TOLLIP: variants seen among roughly 807,000 people sequenced by gnomAD.
TOLLIP encodes the protein toll interacting protein.
A neutral mutation model predicts 33.5 loss-of-function variants in TOLLIP; 16 were observed. The observed-to-expected ratio is 0.48, with a 90% CI of 0.32 to 0.72. The LOEUF is 0.72. TOLLIP is among the 30% of genes least tolerant of loss of function. The pLI is 0.03. For missense variants in TOLLIP, 325 were observed against 396.6 expected (o/e 0.82, Z 1.53); for synonymous variants, 176 against 163.7 (o/e 1.07, Z -0.57).
At position 1,303,372 on chromosome 11, in the gene TOLLIP, C is replaced by T. The variant is rs1369694462; in HGVS notation, c.33+6094G>A. 1.3e-5 allele frequency among the ~76,000 whole-genome samples: 2 copies of T among 152,136 alleles called. No individual in the cohort carries two copies. The highest frequency in any genetic ancestry group is 2.4e-5 in the African/African-American group (1 of 41,430). On this transcript the variant is annotated intron_variant, in intron 1 of 5. Transcript: ENST00000317204. This position sits in a 1 kb window ranked among gnomAD's most constrained non-coding sequence, Gnocchi z 4.2. ...GGCATGTGACGTGGCAGGCCCTGGG[C>T]GCCGGGCACAGGGCGCGCGCTGCGG...
chr11:1,307,781 G>T (rs759445552), intron 1 of TOLLIP, among the ~76,000 whole-genome samples: 1 of 152,176 alleles, frequency 6.6e-6, no homozygotes, highest in Non-Finnish European at 1.5e-5. Context: ...GGCCGTCCAG[G>T]ACCTCTGCCG....
chr11:1,309,510 G>C lies in TOLLIP; in HGVS notation c.-12C>G. 7.7e-7 allele frequency: 1 copy of C among 1,299,718 alleles called. No homozygotes were observed. Among genetic ancestry groups the C allele is most frequent in the Non-Finnish European group, 9.8e-7 (1 of 1,016,994 alleles). The allele number at this position is 1,299,718 out of a possible 1,614,324, so 80.5% of individuals were successfully genotyped here. A position where few individuals can be genotyped will look rare whatever the true frequency, so the allele number is the denominator to read the frequency against. On this transcript the variant is annotated 5_prime_UTR_variant, in exon 1 of 6. Transcript: ENST00000317204. Reference sequence around the variant, plus strand: ...ACGGTGGTCGCCATGGTGCTGCGGCGGCCCCCGTGGCTCGCCGACCCGACA... The same window carrying C: ...ACGGTGGTCGCCATGGTGCTGCGGCCGCCCCCGTGGCTCGCCGACCCGACA...
intron 1 of TOLLIP, among the ~76,000 whole-genome samples, chr11:1,304,549 G>A (rs1048883777): frequency 1.3e-5 from 2 of 152,244 alleles, no homozygotes; most frequent in Non-Finnish European, 2.9e-5. Context: ...CCAGGACGGG[G>A]CGGCCGAGGT....
At position 1,290,559 on chromosome 11, in the gene TOLLIP, C is replaced by G; in HGVS notation, c.184-150G>C. 1.4e-6 allele frequency: 1 copy of G among 690,220 alleles called. No individual in the cohort carries two copies. The highest frequency in any genetic ancestry group is 2.4e-6 in the Non-Finnish European group (1 of 411,414). The allele number at this position is 690,220 out of a possible 1,614,324, so 42.8% of individuals were successfully genotyped here. ...CAGAGTCGCCTGAACACGGCTGTGACCTGCTTCCCAGGAGGCCAGGAGCAA... is the reference window on the plus strand; with the variant it reads ...CAGAGTCGCCTGAACACGGCTGTGAGCTGCTTCCCAGGAGGCCAGGAGCAA... On this transcript the variant is annotated intron_variant, in intron 2 of 5. Transcript: ENST00000317204. The surrounding 1 kb of genome is among the most constrained non-coding windows in gnomAD (Gnocchi z 4.9).
At chr11:1,298,481 C>A (rs1188484829) in intron 1 of TOLLIP, 2 of 152,264 alleles carry the variant, frequency 1.3e-5, no homozygotes, top group African/African-American at 4.8e-5. Flanking sequence ...TCCTGGTTGT[C>A]CCGGTATTTG....
intron 5 of TOLLIP, among the ~76,000 whole-genome samples, chr11:1,280,949 C>T (rs1018142544): frequency 1.3e-5 from 2 of 152,214 alleles, no homozygotes; most frequent in Non-Finnish European, 2.9e-5. Flanking sequence ...GCACGAAGAA[C>T]GCACGGGAAA....
chr11:1,288,711 C>T lies in TOLLIP; in HGVS notation c.432G>A (p.Gln144=). ...THITIPESLR[Q]GKVEDKWYSL... is the part of the protein sequence containing the mutation. ...TGTACCACTTGTCCTCCACCTTGCC[C>T]TGCCTCAGGGACTCCGGGATGGTGA... The change falls in exon 4 of 6, where the codon CAG becomes CAA. Residue 144 remains glutamine, a synonymous_variant. Coordinates refer to ENST00000317204, the MANE Select transcript of TOLLIP (RefSeq NM_019009.4). 6.2e-7 allele frequency: 1 copy of T among 1,613,026 alleles called. No homozygotes were observed. The highest frequency in any genetic ancestry group is 1.1e-5 in the South Asian group (1 of 91,086).
intron 1 of TOLLIP, among the ~76,000 whole-genome samples, chr11:1,297,427 G>A (rs567629547): frequency 1.1e-4 from 16 of 152,318 alleles, no homozygotes; most frequent in African/African-American, 3.6e-4. Context: ...GAAGGGACCC[G>A]GACGATCCAG....
rs1381454830 is a variant in TOLLIP, at chr11:1,277,331, A to G, written c.611-78T>C. The G allele has an allele frequency of 1.6e-6, 2 of 1,220,196 alleles. No individual in the cohort carries two copies. Among genetic ancestry groups the G allele is most frequent in the Non-Finnish European group, 2.2e-6 (2 of 894,102 alleles). 75.6% of individuals were successfully genotyped at this position (1,220,196 alleles called of 1,614,324 possible). ...ACACTAGCTCCTGCTGAAGGAAGAA[A>G]ACAACGCATCCCACCGGCCTCCCTG... On this transcript the variant is annotated intron_variant, in intron 5 of 5. Coordinates refer to ENST00000317204, the MANE Select transcript of TOLLIP (RefSeq NM_019009.4). This position sits in a 1 kb window ranked among gnomAD's most constrained non-coding sequence, Gnocchi z 4.2.
chr11:1,281,026 A>G (rs1231925271), intron 5 of TOLLIP, among the ~76,000 whole-genome samples: 1 of 152,234 alleles, frequency 6.6e-6, no homozygotes, highest in Non-Finnish European at 1.5e-5. Flanking sequence ...TCCGTGGAAG[A>G]GAACATGCTT....
Position 1,277,739 on chromosome 11 carries a change from A to C in TOLLIP, c.611-486T>G, listed in dbSNP as rs1300033203. 6.6e-6 allele frequency among the ~76,000 whole-genome samples: 1 copy of C among 152,188 alleles called. No homozygotes were observed. The highest frequency in any genetic ancestry group is 2.4e-5 in the African/African-American group (1 of 41,442). On this transcript the variant is annotated intron_variant, in intron 5 of 5. Transcript: ENST00000317204. This position sits in a 1 kb window ranked among gnomAD's most constrained non-coding sequence, Gnocchi z 4.2. ...AGCCTCTTCCTTTATCAGGCATTCT[A>C]GAAGATGCTTTTGCAGCTTGGCAAG...
At chr11:1,298,386 G>A (rs1864173304) in intron 1 of TOLLIP, 1 of 152,292 alleles carries the variant, frequency 6.6e-6, no homozygotes, top group Non-Finnish European at 1.5e-5. Flanking sequence ...GCCAGTCGGG[G>A]GAGGGTGTGG....
chr11:1,302,803 G>A (rs1184651192), intron 1 of TOLLIP: 4 of 985,400 alleles, frequency 4.1e-6, no homozygotes, highest in Non-Finnish European at 4.8e-6. Flanking sequence ...ACGGGCAGTG[G>A]TGACTTTGTC....
chr11:1,280,232 A>G (rs1863448454), intron 5 of TOLLIP, among the ~76,000 whole-genome samples: 1 of 152,244 alleles, frequency 6.6e-6, no homozygotes, highest in Non-Finnish European at 1.5e-5. Context: ...GAGGGGAAGC[A>G]TGCCTGGGCC....
chr11:1,277,564 G>T lies in TOLLIP; in HGVS notation c.611-311C>A, dbSNP rs187637433. On this transcript the variant is annotated intron_variant, in intron 5 of 5. Transcript: ENST00000317204. This position sits in a 1 kb window ranked among gnomAD's most constrained non-coding sequence, Gnocchi z 4.2. ...CCCGAGTCTGTTTTATAACTAGCAG[G>T]CTGGGGGTGGTGTTTTGATCCCTTC... Among the ~76,000 whole-genome samples the T allele has an allele frequency of 6.6e-6, 1 of 152,152 alleles. No individual in the cohort carries two copies. The highest frequency in any genetic ancestry group is 1.5e-5 in the Non-Finnish European group (1 of 68,032).
chr11:1,286,153 G>T, intron 4 of TOLLIP, 61 bp from the exon 5 acceptor site: 1 of 1,342,600 alleles, frequency 7.4e-7, no homozygotes, highest in Non-Finnish European at 1.0e-6. Flanking sequence ...CAGAACCTCG[G>T]GAATCGCCCT....
intron 4 of TOLLIP, among the ~76,000 whole-genome samples, chr11:1,286,629 G>A (rs1316883057): frequency 1.3e-5 from 2 of 150,866 alleles, no homozygotes; most frequent in African/African-American, 2.5e-5. Context: ...TCACTGCACT[G>A]CTGTCTCCTG....
chr11:1,276,939 G>C lies in TOLLIP; in HGVS notation c.*100C>G. The stretch of plus-strand genomic sequence containing the variant: ...GAAGTCCACGGGAGGGGGCGACACG[G>C]GTGCTCTTTCACGGGAATCTTGTTG... On this transcript the variant is annotated 3_prime_UTR_variant, in exon 6 of 6. Transcript: ENST00000317204. The C allele has an allele frequency of 6.3e-7, 1 of 1,579,878 alleles. No individual in the cohort carries two copies. The highest frequency in any genetic ancestry group is 8.6e-7 in the Non-Finnish European group (1 of 1,160,776).
chr11:1,307,056 C>T (rs920668611), intron 1 of TOLLIP, among the ~76,000 whole-genome samples: 1 of 152,190 alleles, frequency 6.6e-6, no homozygotes, highest in Non-Finnish European at 1.5e-5. Context: ...CCATGTCTAC[C>T]GTGCTGCCCT....
Sources: allele counts gnomAD v4.1 joint callset (sites outside exome capture counted in the v4.1 genomes callset), GRCh38; gene constraint gnomAD v4.1.1; non-coding constraint Gnocchi (gnomAD v3.1); transcripts MANE v1.5; gene names NCBI Gene and HGNC (gene_info 2026-07-23, HGNC 2026-07-21).